Variants in EPHA5 observed in about 807,000 individuals in gnomAD.
EPHA5 encodes the protein EPH receptor A5.
EPHA5 carries 60 observed loss-of-function variants against 105.0 expected under a neutral mutation model. That is an observed-to-expected ratio of 0.57 (90% CI 0.46 to 0.71). EPHA5 has a LOEUF of 0.71. Ranked by LOEUF, EPHA5 falls within the 30% of genes least tolerant of loss-of-function variation. The pLI, the probability that EPHA5 is intolerant of heterozygous loss-of-function variation, is 0.00. For synonymous variants in EPHA5, 513 were observed against 449.1 expected, an observed-to-expected ratio of 1.14 and a Z score of -1.80; for missense variants, 1,218 against 1,274.7, an observed-to-expected ratio of 0.96 and a Z score of 0.68.
intron 5 of EPHA5, among the ~76,000 whole-genome samples, chr4:65,477,670 C>T (rs1043687000): frequency 9.9e-5 from 15 of 152,090 alleles, no homozygotes; most frequent in Admixed American, 9.8e-4. Flanking sequence ...GCCTCGGCCT[C>T]CCAAAGTGCT....
intron 8 of EPHA5, among the ~76,000 whole-genome samples, chr4:65,371,796 C>A (rs1056575563): frequency 1.3e-5 from 2 of 151,764 alleles, no homozygotes; most frequent in Non-Finnish European, 2.9e-5. Context: ...AGAAATATAC[C>A]CTAAATAATT....
intron 7 of EPHA5, among the ~76,000 whole-genome samples, chr4:65,407,580 T>C (rs924009558): frequency 6.6e-6 from 1 of 151,964 alleles, no homozygotes; most frequent in Non-Finnish European, 1.5e-5. Context: ...TCTATGTGTT[T>C]ATCTAATGTC....
chr4:65,444,283 T>C (rs923014025), intron 5 of EPHA5, among the ~76,000 whole-genome samples: 4 of 152,192 alleles, frequency 2.6e-5, no homozygotes, highest in Admixed American at 2.6e-4. Context: ...CTTAAGTTGT[T>C]ATAAAGATTA....
At position 65,322,346 on chromosome 4, in the gene EPHA5, C is replaced by T. The variant is rs368347295; in HGVS notation, c.*1768G>A. On this transcript the variant is annotated 3_prime_UTR_variant, in exon 17 of 17. Transcript: ENST00000613740. The stretch of plus-strand genomic sequence containing the variant: ...TATATGTGCTAATATTCAAATAAAA[C>T]AAGTGCTTGGAAAAAAGAATACCAT... 8.9e-6 allele frequency: 2 copies of T among 223,500 alleles called. No homozygotes were observed. Among genetic ancestry groups the T allele is most frequent in the Non-Finnish European group, 1.8e-5 (2 of 111,884 alleles). The allele number at this position is 223,500 out of a possible 1,614,324, so 13.8% of individuals were successfully genotyped here.
chr4:65,576,060 A>AAGAAAGAG, intron 3 of EPHA5, among the ~76,000 whole-genome samples: 1 of 40,074 alleles, frequency 2.5e-5, no homozygotes, highest in East Asian at 1.2e-3. Flanking sequence ...GAAAGAAAGA[A>AAGAAAGAG]AAGAAAAGAA....
intron 1 of EPHA5, among the ~76,000 whole-genome samples, chr4:65,651,438 G>C (rs532893216): frequency 6.6e-6 from 1 of 152,148 alleles, no homozygotes; most frequent in Non-Finnish European, 1.5e-5. Flanking sequence ...CTATGTCTCC[G>C]TTCCAGTGTC....
intron 3 of EPHA5, among the ~76,000 whole-genome samples, chr4:65,546,813 T>G (rs1737418705): frequency 6.6e-6 from 1 of 151,636 alleles, no homozygotes; most frequent in South Asian, 2.1e-4. Flanking sequence ...ACCATTGAGT[T>G]CTCATTAATC....
At position 65,448,127 on chromosome 4, in the gene EPHA5, GAAGA is replaced by G. The variant is rs1222482984; in HGVS notation, c.1403-27566_1403-27563del. ...AATAAAAAATTTAAGAGACAACAGA[GAAGA>G]AAGTAAGATGATGTATAAACTGTGA... On this transcript the variant is annotated intron_variant, in intron 5 of 16. Coordinates refer to ENST00000613740, the MANE Select transcript of EPHA5 (RefSeq NM_001281766.3). Among the ~76,000 whole-genome samples the G allele has an allele frequency of 2.6e-5, 4 of 151,440 alleles. No homozygotes were observed. In the South Asian group the frequency reaches 6.2e-4, roughly 24 times the overall value.
At chr4:65,488,885 A>ATTTTTTTTT (rs5858962) in intron 5 of EPHA5, among the ~76,000 whole-genome samples, 4 of 117,790 alleles carry the variant, frequency 3.4e-5, no homozygotes, top group Non-Finnish European at 6.7e-5. Context: ...AGCTGCATGC[A>ATTTTTTTTT]TTTTTTTTTT....
intron 5 of EPHA5, among the ~76,000 whole-genome samples, chr4:65,459,201 G>T (rs1045609391): frequency 6.6e-6 from 1 of 151,976 alleles, no homozygotes; most frequent in Non-Finnish European, 1.5e-5. Context: ...ATTCAAATAG[G>T]ATATTGAAAT....
intron 8 of EPHA5, among the ~76,000 whole-genome samples, chr4:65,392,243 A>AT (rs1377280514): frequency 6.6e-6 from 1 of 152,144 alleles, no homozygotes; most frequent in Admixed American, 6.6e-5. Context: ...AATAGAAGAG[A>AT]TAAAAACCCT....
intron 3 of EPHA5, among the ~76,000 whole-genome samples, chr4:65,546,603 C>A (rs1293312796): frequency 6.6e-6 from 1 of 151,800 alleles, no homozygotes; most frequent in African/African-American, 2.4e-5. Flanking sequence ...TGATTTTTAA[C>A]GTGATTTATA....
chr4:65,545,577 AT>A (rs1357320109), intron 3 of EPHA5, among the ~76,000 whole-genome samples: 2 of 152,084 alleles, frequency 1.3e-5, no homozygotes, highest in African/African-American at 4.8e-5. Context: ...ATGAATTGAC[AT>A]AATAGGACAC....
intron 3 of EPHA5, among the ~76,000 whole-genome samples, chr4:65,596,681 A>AACAC (rs71205392): frequency 0.082 from 12,341 of 150,458 alleles, 534 homozygotes; most frequent in Admixed American, 0.12. Context: ...ACAAAAGCAG[A>AACAC]ACACACACAC....
intron 5 of EPHA5, among the ~76,000 whole-genome samples, chr4:65,423,281 G>A (rs533197187): frequency 2.0e-5 from 3 of 151,956 alleles, no homozygotes; most frequent in East Asian, 1.9e-4. Context: ...TATCATCACC[G>A]TTATGTCACC....
At chr4:65,357,993 G>C (rs1723469197) in intron 11 of EPHA5, among the ~76,000 whole-genome samples, 1 of 151,324 alleles carries the variant, frequency 6.6e-6, no homozygotes, top group African/African-American at 2.4e-5. Context: ...ACAAATTTGG[G>C]GAATGTTGAT....
At chr4:65,432,211 G>A (rs149552504) in intron 5 of EPHA5, among the ~76,000 whole-genome samples, 1 of 152,124 alleles carries the variant, frequency 6.6e-6, no homozygotes, top group Non-Finnish European at 1.5e-5. Flanking sequence ...AATTCAAGGA[G>A]GAATTGAGGC....
chr4:65,601,890 T>A lies in EPHA5; in HGVS notation c.661A>T (p.Ile221Phe), dbSNP rs776499647. The A allele has an allele frequency of 6.2e-7, 1 of 1,614,158 alleles. No homozygotes were observed. Among genetic ancestry groups the A allele is most frequent in the Non-Finnish European group, 8.5e-7 (1 of 1,180,020 alleles). Residue 221 changes from isoleucine to phenylalanine, a missense_variant, in exon 3 of 17, where the codon ATT becomes TTT. This residue lies in a region of EPHA5 where 971 missense variants were observed against 1,013.5 expected (regional missense o/e 0.96). Coordinates refer to ENST00000613740, the MANE Select transcript of EPHA5 (RefSeq NM_001281766.3). Reference protein sequence around the residue: ...YLAFQDVGACIALVSVRVYYK... With the variant: ...YLAFQDVGACFALVSVRVYYK... Reference sequence around the variant, plus strand: ...TATACACGCACAGAAACCAGAGCAATGCAAGCACCAACATCTTGAAAAGCA... The same window carrying A: ...TATACACGCACAGAAACCAGAGCAAAGCAAGCACCAACATCTTGAAAAGCA...
intron 3 of EPHA5, among the ~76,000 whole-genome samples, chr4:65,530,813 C>T (rs912881379): frequency 6.6e-6 from 1 of 152,006 alleles, no homozygotes; most frequent in Non-Finnish European, 1.5e-5. Context: ...CCATTCTTTC[C>T]TTTTTGCTTA....
Sources: allele counts gnomAD v4.1 joint callset (sites outside exome capture counted in the v4.1 genomes callset), GRCh38; gene constraint gnomAD v4.1.1; regional missense constraint gnomAD v4.1.1; transcripts MANE v1.5; gene names NCBI Gene and HGNC (gene_info 2026-07-23, HGNC 2026-07-21).